Variants in GTF2H1 observed in about 807,000 individuals in gnomAD.
GTF2H1 encodes general transcription factor IIH subunit 1, also known as BTF2 p62.
In GTF2H1, 16 loss-of-function variants were observed where a neutral mutation model predicts 71.2. The ratio of observed to expected loss-of-function variants is 0.22; its 90% CI spans 0.15 to 0.34. The LOEUF is 0.34. GTF2H1 is among the 10% of genes least tolerant of loss of function. GTF2H1 has a pLI of 1.00. For synonymous variants in GTF2H1, 215 were observed against 219.0 expected (o/e 0.98, Z 0.16); for missense variants, 498 against 648.2 (o/e 0.77, Z 2.52).
At chr11:18,363,650 A>G (rs1865755771) in intron 14 of GTF2H1, among the ~76,000 whole-genome samples, 1 of 152,224 alleles carries the variant, frequency 6.6e-6, no homozygotes, top group Non-Finnish European at 1.5e-5. Flanking sequence ...TTCTTAAAAT[A>G]CAAAACAGCA....
intron 14 of GTF2H1, among the ~76,000 whole-genome samples, chr11:18,365,064 CACTATTTAAAAAAGAAAAAAA>C (rs911662669): frequency 7.5e-6 from 1 of 133,504 alleles, no homozygotes; most frequent in Admixed American, 7.7e-5. Flanking sequence ...AGTCCATCTC[CACTATTTAAAAAAGAAAAAAA>C]AAAAAAACCT....
At position 18,348,261 on chromosome 11, in the gene GTF2H1, G is replaced by A. The variant is rs931667564; in HGVS notation, c.1053+342G>A. 2.6e-5 allele frequency: 10 copies of A among 389,270 alleles called. No homozygotes were observed. The South Asian group carries it at 4.4e-4, about 17-fold the overall frequency. 24.1% of individuals were successfully genotyped at this position (389,270 alleles called of 1,614,324 possible). A position where few individuals can be genotyped will look rare whatever the true frequency, so the allele number is the denominator to read the frequency against. The stretch of plus-strand genomic sequence containing the variant: ...ACAGAGGCAATATGACAGAAAAACC[G>A]AAGTTTCATGTATATGATTTTTCAA... On this transcript the variant is annotated intron_variant, in intron 9 of 14. Coordinates refer to ENST00000265963, the MANE Select transcript of GTF2H1 (RefSeq NM_005316.4).
rs1421074843 is a variant in GTF2H1, at chr11:18,358,007, C to T, written c.1316C>T (p.Ala439Val). 13 of 1,612,574 alleles carry T rather than the reference C, an allele frequency of 8.1e-6. No individual in the cohort carries two copies. Among genetic ancestry groups the T allele is most frequent in the African/African-American group, 5.3e-5 (4 of 74,832 alleles). Reference sequence around the variant, plus strand: ...ATCACAGCACTGTCACCTGGAGGGGCACTTATGCAGGGAGGAACACAGCAA... The same window carrying T: ...ATCACAGCACTGTCACCTGGAGGGGTACTTATGCAGGGAGGAACACAGCAA... Reference protein sequence around the residue: ...STITALSPGGALMQGGTQQAI... With the variant: ...STITALSPGGVLMQGGTQQAI... Residue 439 changes from alanine to valine, a missense_variant, in exon 12 of 15, where the codon GCA (alanine) becomes GTA (valine). Ala to Val is a moderately conservative substitution (Grantham distance 64, BLOSUM62 0). Transcript: ENST00000265963.
rs1195569641 is a variant in GTF2H1, at chr11:18,366,029, T to C, written c.*160T>C. 6 of 598,708 alleles carry C rather than the reference T, an allele frequency of 1.0e-5. No individual in the cohort carries two copies. Among genetic ancestry groups the C allele is most frequent in the South Asian group, 2.1e-5 (1 of 48,480 alleles). 37.1% of individuals were successfully genotyped at this position (598,708 alleles called of 1,614,324 possible). A position where few individuals can be genotyped will look rare whatever the true frequency, so the allele number is the denominator to read the frequency against. On this transcript the variant is annotated 3_prime_UTR_variant, in exon 15 of 15. Coordinates refer to ENST00000265963, the MANE Select transcript of GTF2H1 (RefSeq NM_005316.4). The stretch of plus-strand genomic sequence containing the variant: ...GAGCTGATGCTATTGTACTTGCACA[T>C]TGGAGACTGAAAGGAAAGAAGGGAC...
intron 9 of GTF2H1, among the ~76,000 whole-genome samples, chr11:18,349,241 T>C (rs1865372425): frequency 6.6e-6 from 1 of 152,236 alleles, no homozygotes; most frequent in Non-Finnish European, 1.5e-5. Context: ...CCTATAAAAT[T>C]AATAAAGCCA....
intron 1 of GTF2H1, among the ~76,000 whole-genome samples, chr11:18,329,121 G>A (rs765272360): frequency 1.3e-5 from 2 of 152,100 alleles, no homozygotes; most frequent in Non-Finnish European, 2.9e-5. Flanking sequence ...TGTAAGGTGG[G>A]TACAGATAAG....
Position 18,347,642 on chromosome 11 carries a change from A to T in GTF2H1, c.892A>T (p.Asn298Tyr). Residue 298 changes from asparagine to tyrosine, a missense_variant, in exon 8 of 15, where the codon AAT becomes TAT. Physicochemically the swap from Asn to Tyr is moderately radical, Grantham distance 143. Around this residue, in one of 3 missense-constraint regions of GTF2H1, gnomAD observed 266 missense variants for 301.6 expected, o/e 0.88. Transcript: ENST00000265963. ...SASNSKSIKE[N>Y]SNAAIIKRFN... ...TTCCAATTCTAAATCCATAAAAGAG[A>T]ATAGTAATGCTGCCATCATCAAGAG... is the stretch of plus-strand genomic sequence containing the variant. 1 of 1,611,268 alleles carries T rather than the reference A, an allele frequency of 6.2e-7. No homozygotes were observed. The highest frequency in any genetic ancestry group is 8.5e-7 in the Non-Finnish European group (1 of 1,177,432).
rs35694798 is a variant in GTF2H1, at chr11:18,328,202, CAAAAAAAA to C, written c.-15-4847_-15-4840del. Among the ~76,000 whole-genome samples the C allele has an allele frequency of 3.4e-3, 337 of 99,948 alleles. 1 individual carries two copies. The highest frequency in any genetic ancestry group is 5.3e-3 in the Admixed American group (48 of 9,052). 65.6% of individuals were successfully genotyped at this position (99,948 alleles called of 152,430 possible). On this transcript the variant is annotated intron_variant, in intron 1 of 14. Coordinates refer to ENST00000265963, the MANE Select transcript of GTF2H1 (RefSeq NM_005316.4). The stretch of plus-strand genomic sequence containing the variant: ...TGGGTGACAGAGGGAGACTCCATCT[CAAAAAAAA>C]AAAAAAAAAAGAATATGGGGCCAGG...
rs1278153285 is a variant in GTF2H1 at position 18,366,940 on chromosome 11, A to G, written c.*1071A>G. On this transcript the variant is annotated 3_prime_UTR_variant, in exon 15 of 15. Coordinates refer to ENST00000265963, the MANE Select transcript of GTF2H1 (RefSeq NM_005316.4). ...TTCTTGTTTCTGAACTTCGTGCCAT[A>G]TTTTGTTCCTGATGGGATCAACTTA... 6.6e-6 allele frequency: 1 copy of G among 151,272 alleles called. No individual in the cohort carries two copies. Among genetic ancestry groups the G allele is most frequent in the African/African-American group, 2.4e-5 (1 of 41,224 alleles). The allele number at this position is 151,272 out of a possible 1,614,324, so 9.4% of individuals were successfully genotyped here.
chr11:18,340,749 C>T (rs1227620481), intron 5 of GTF2H1, among the ~76,000 whole-genome samples: 3 of 152,146 alleles, frequency 2.0e-5, no homozygotes, highest in Non-Finnish European at 4.4e-5. Flanking sequence ...AACCAGGGTG[C>T]AGAAAGATTA....
At chr11:18,336,117 T>TTTTG (rs371774692) in intron 3 of GTF2H1, among the ~76,000 whole-genome samples, 171 bp downstream of exon 3, 12 of 152,000 alleles carry the variant, frequency 7.9e-5, no homozygotes, top group Admixed American at 7.9e-4. Context: ...GGTGGTGGTT[T>TTTTG]TTTGTTTGTT....
chr11:18,355,521 T>A (rs1865525184), intron 11 of GTF2H1, among the ~76,000 whole-genome samples: 1 of 152,168 alleles, frequency 6.6e-6, no homozygotes, highest in African/African-American at 2.4e-5. Context: ...ATTTATTTAT[T>A]TCGAGACAGG....
rs1865840261 is a variant in GTF2H1, at chr11:18,366,968, GT to G, written c.*1102del. 1 of 150,546 alleles carries G rather than the reference GT, an allele frequency of 6.6e-6. No individual in the cohort carries two copies. The highest frequency in any genetic ancestry group is 2.4e-5 in the African/African-American group (1 of 41,078). The allele number at this position is 150,546 out of a possible 1,614,324, so 9.3% of individuals were successfully genotyped here. On this transcript the variant is annotated 3_prime_UTR_variant, in exon 15 of 15. Coordinates refer to ENST00000265963, the MANE Select transcript of GTF2H1 (RefSeq NM_005316.4). Reference sequence around the variant, plus strand: ...TTGTTCCTGATGGGATCAACTTAATGTTTAAGACTTTAGATGTCTTGTATTA... The same window carrying G: ...TTGTTCCTGATGGGATCAACTTAATGTTAAGACTTTAGATGTCTTGTATTA...
chr11:18,360,359 G>A (rs1865667683), intron 13 of GTF2H1, among the ~76,000 whole-genome samples: 1 of 152,004 alleles, frequency 6.6e-6, no homozygotes, highest in Non-Finnish European at 1.5e-5. Context: ...TTGTCCTTGT[G>A]TTCCGCCCAC....
chr11:18,360,577 A>G, intron 13 of GTF2H1, 38 bp from the exon 14 acceptor site: 1 of 988,180 alleles, frequency 1.0e-6, no homozygotes, highest in South Asian at 1.5e-5. Flanking sequence ...CTACAGCTTG[A>G]GATTTCTCTG....
At chr11:18,337,897 C>A (rs1865070873) in intron 3 of GTF2H1, among the ~76,000 whole-genome samples, 1 of 152,166 alleles carries the variant, frequency 6.6e-6, no homozygotes, top group African/African-American at 2.4e-5. Context: ...ACACCTACCT[C>A]CATTTATCAC....
intron 9 of GTF2H1, among the ~76,000 whole-genome samples, chr11:18,349,402 G>A (rs1284694482): frequency 6.6e-6 from 1 of 152,090 alleles, no homozygotes; most frequent in Non-Finnish European, 1.5e-5. Context: ...AAATTTCTTG[G>A]CCAGGAGCCG....
intron 2 of GTF2H1, among the ~76,000 whole-genome samples, chr11:18,335,358 G>T (rs1452614611): frequency 6.6e-6 from 1 of 152,178 alleles, no homozygotes; most frequent in African/African-American, 2.4e-5. Flanking sequence ...GCCGCATTTT[G>T]CAGTCTTTTG....
chr11:18,345,077 G>C (rs1006908424), intron 7 of GTF2H1, among the ~76,000 whole-genome samples: 3 of 151,608 alleles, frequency 2.0e-5, no homozygotes, highest in South Asian at 2.1e-4. Flanking sequence ...TGCAGTCCCA[G>C]CTACTCGGGA....
Sources: allele counts gnomAD v4.1 joint callset (sites outside exome capture counted in the v4.1 genomes callset), GRCh38; gene constraint gnomAD v4.1.1; regional missense constraint gnomAD v4.1.1; transcripts MANE v1.5; gene names NCBI Gene and HGNC (gene_info 2026-07-23, HGNC 2026-07-21).